PLPP4: variants seen among roughly 807,000 people sequenced by gnomAD.
PLPP4 encodes the protein phospholipid phosphatase 4.
A neutral mutation model predicts 32.2 loss-of-function variants in PLPP4; 20 were observed. That is an observed-to-expected ratio of 0.62 (90% CI 0.44 to 0.90). The LOEUF is 0.90. PLPP4 is among the 40% of genes least tolerant of loss of function. The pLI, the probability that PLPP4 is intolerant of heterozygous loss-of-function variation, is 0.00. For synonymous variants in PLPP4, 127 were observed against 133.0 expected, an observed-to-expected ratio of 0.95 and a Z score of 0.31; for missense variants, 257 against 353.1, an observed-to-expected ratio of 0.73 and a Z score of 2.18.
chr10:120,583,866 C>G (rs1045799772), intron 6 of PLPP4, among the ~76,000 whole-genome samples: 2 of 152,158 alleles, frequency 1.3e-5, no homozygotes, highest in Non-Finnish European at 2.9e-5. Flanking sequence ...GAGATAGATT[C>G]AGAAACAGGA....
rs187789900 is a variant in PLPP4, at chr10:120,511,926, A to G, written c.166-1985A>G. Among the ~76,000 whole-genome samples, 354 of 152,208 alleles carry G rather than the reference A, an allele frequency of 2.3e-3. 3 individuals carry two copies. Among genetic ancestry groups the G allele is most frequent in the African/African-American group, 8.2e-3 (339 of 41,540 alleles). ...GCTAACACGGTGAAACCCCATCTCT[A>G]CTAAAAAAGTACAAAAACTTAGCCG... On this transcript the variant is annotated intron_variant, in intron 2 of 6. Transcript: ENST00000398250.
intron 1 of PLPP4, among the ~76,000 whole-genome samples, chr10:120,492,585 T>C (rs1311466005): frequency 1.3e-5 from 2 of 152,152 alleles, no homozygotes; most frequent in Non-Finnish European, 2.9e-5. Context: ...ATAGTGGCAG[T>C]TATCTCCATT....
chr10:120,488,229 G>A (rs1844553331), intron 1 of PLPP4, among the ~76,000 whole-genome samples: 1 of 152,174 alleles, frequency 6.6e-6, no homozygotes, highest in Admixed American at 6.5e-5. Context: ...GGTTTATAAA[G>A]CATTTTCACA....
At chr10:120,525,157 A>G (rs1846333382) in intron 5 of PLPP4, among the ~76,000 whole-genome samples, 1 of 152,176 alleles carries the variant, frequency 6.6e-6, no homozygotes, top group Admixed American at 6.5e-5. Context: ...CTTTCACTTT[A>G]CAATGGCCAT....
rs1289482127 is a variant in PLPP4, at chr10:120,493,663, A to T, written c.57-10155A>T. Among the ~76,000 whole-genome samples the T allele has an allele frequency of 3.3e-5, 5 of 151,846 alleles. No individual in the cohort carries two copies. The East Asian group carries it at 5.8e-4, about 18-fold the overall frequency. On this transcript the variant is annotated intron_variant, in intron 1 of 6. Coordinates refer to ENST00000398250, the MANE Select transcript of PLPP4 (RefSeq NM_001030059.3). ...ACTGTCCACTCACCAATCCCCCCCC[A>T]TCCTACCCCAGTGTGTTTAGGAGGG...
intron 5 of PLPP4, among the ~76,000 whole-genome samples, chr10:120,525,110 C>T (rs556569535): frequency 1.2e-4 from 18 of 152,304 alleles, no homozygotes; most frequent in African/African-American, 3.8e-4. Flanking sequence ...TACGGGAACA[C>T]AGAGATGCCT....
At chr10:120,539,588 A>C (rs1847239847) in intron 5 of PLPP4, among the ~76,000 whole-genome samples, 1 of 152,190 alleles carries the variant, frequency 6.6e-6, no homozygotes, top group Non-Finnish European at 1.5e-5. Flanking sequence ...GGCGGGGCAG[A>C]GATAAATGAT....
At chr10:120,577,613 A>G (rs1849280051) in intron 6 of PLPP4, among the ~76,000 whole-genome samples, 1 of 152,202 alleles carries the variant, frequency 6.6e-6, no homozygotes. Context: ...TGGGAAAGCA[A>G]AGCAAGAGAA....
chr10:120,562,197 T>C (rs1056376337), intron 5 of PLPP4, among the ~76,000 whole-genome samples: 4 of 152,188 alleles, frequency 2.6e-5, no homozygotes, highest in Admixed American at 6.5e-5. Context: ...CTTATTGCTA[T>C]TATAAATTTT....
chr10:120,581,360 A>G, intron 6 of PLPP4: 1 of 943,078 alleles, frequency 1.1e-6, no homozygotes, highest in Non-Finnish European at 1.3e-6. Context: ...TGTTGCCTGA[A>G]TCATTGCAGA....
At chr10:120,536,101 T>A (rs1847004571) in intron 5 of PLPP4, among the ~76,000 whole-genome samples, 1 of 152,126 alleles carries the variant, frequency 6.6e-6, no homozygotes, top group African/African-American at 2.4e-5. Flanking sequence ...ATTGTCAAGA[T>A]GTTTATATTA....
intron 5 of PLPP4, among the ~76,000 whole-genome samples, chr10:120,553,046 A>G (rs1311726630): frequency 6.6e-6 from 1 of 152,228 alleles, no homozygotes; most frequent in Non-Finnish European, 1.5e-5. Flanking sequence ...ATGAGATTGC[A>G]TGGGGAAGCC....
chr10:120,486,991 A>G (rs1190870320), intron 1 of PLPP4, among the ~76,000 whole-genome samples: 2 of 152,242 alleles, frequency 1.3e-5, no homozygotes, highest in Non-Finnish European at 2.9e-5. Flanking sequence ...CACTGTCTCC[A>G]TTACAGAAAC....
At chr10:120,482,303 A>G (rs1357804564) in intron 1 of PLPP4, among the ~76,000 whole-genome samples, 1 of 152,222 alleles carries the variant, frequency 6.6e-6, no homozygotes, top group Non-Finnish European at 1.5e-5. Flanking sequence ...CAAAATGCTG[A>G]TAATGATATT....
intron 1 of PLPP4, among the ~76,000 whole-genome samples, chr10:120,473,631 G>A (rs1843760716): frequency 6.6e-6 from 1 of 152,134 alleles, no homozygotes; most frequent in South Asian, 2.1e-4. Context: ...ATCTCATGTT[G>A]AATTGTAATC....
At chr10:120,553,319 AGGTCATAG>A (rs371539410) in intron 5 of PLPP4, among the ~76,000 whole-genome samples, 1 of 152,182 alleles carries the variant, frequency 6.6e-6, no homozygotes, top group African/African-American at 2.4e-5. Flanking sequence ...GCCTAATGAT[AGGTCATAG>A]GGTCATAGGG....
intron 6 of PLPP4, chr10:120,587,404 C>T (rs993797370): frequency 6.6e-6 from 1 of 152,194 alleles, no homozygotes; most frequent in East Asian, 1.9e-4. Flanking sequence ...GCTGCCATCA[C>T]GGACATGTCT....
chr10:120,521,660 T>C (rs535822102), intron 5 of PLPP4, among the ~76,000 whole-genome samples: 1 of 152,324 alleles, frequency 6.6e-6, no homozygotes, highest in South Asian at 2.1e-4. Flanking sequence ...CTCTGAAGTC[T>C]AACAAACCCT....
At chr10:120,467,143 A>G (rs971149076) in intron 1 of PLPP4, among the ~76,000 whole-genome samples, 2 of 143,604 alleles carry the variant, frequency 1.4e-5, no homozygotes, top group African/African-American at 5.0e-5. Context: ...CAGTGGCACA[A>G]TCTCGGCTCA....
Sources: allele counts gnomAD v4.1 joint callset (sites outside exome capture counted in the v4.1 genomes callset), GRCh38; gene constraint gnomAD v4.1.1; transcripts MANE v1.5; gene names NCBI Gene and HGNC (gene_info 2026-07-23, HGNC 2026-07-21).